The following SPTLC3 variants were observed in gnomAD, a reference collection of about 807,000 sequenced individuals.
SPTLC3 encodes serine palmitoyltransferase long chain base subunit 3.
Under a neutral mutation model 59.3 loss-of-function variants are expected in SPTLC3, and 36 were observed. The observed-to-expected ratio is 0.61, with a 90% confidence interval of 0.47 to 0.80. SPTLC3 has a LOEUF of 0.80. Ranked by LOEUF, SPTLC3 falls within the 30% of genes least tolerant of loss-of-function variation. The probability of loss-of-function intolerance (pLI) is 0.00; values close to 1 mark genes in which losing one functional copy is unlikely to be tolerated. For missense variants in SPTLC3, 625 were observed against 685.1 expected, an observed-to-expected ratio of 0.91 and a Z score of 0.98; for synonymous variants, 257 against 240.8, an observed-to-expected ratio of 1.07 and a Z score of -0.62.
chr20:13,161,722 C>G (rs2038899365), intron 11 of SPTLC3, among the ~76,000 whole-genome samples: 1 of 151,892 alleles, frequency 6.6e-6, no homozygotes, highest in Non-Finnish European at 1.5e-5. Context: ...ACTTGATGTT[C>G]CATAGAGTAG....
At chr20:13,067,842 T>C (rs934287027) in intron 2 of SPTLC3, among the ~76,000 whole-genome samples, 2 of 152,202 alleles carry the variant, frequency 1.3e-5, no homozygotes, top group African/African-American at 4.8e-5. Context: ...AATACAGTAT[T>C]CGGTGAGAAC....
intron 7 of SPTLC3, among the ~76,000 whole-genome samples, chr20:13,115,671 A>G (rs1990498240): frequency 6.6e-6 from 1 of 152,154 alleles, no homozygotes; most frequent in Non-Finnish European, 1.5e-5. Flanking sequence ...ATAAGATTCA[A>G]CACAGAACAT....
chr20:13,158,338 G>A (rs2038820736), intron 10 of SPTLC3, among the ~76,000 whole-genome samples: 1 of 152,254 alleles, frequency 6.6e-6, no homozygotes, highest in African/African-American at 2.4e-5. Flanking sequence ...AGTAGTGTAA[G>A]GTTTAAATTC....
intron 4 of SPTLC3, among the ~76,000 whole-genome samples, chr20:13,090,503 A>AAGAT (rs1989174318): frequency 6.6e-6 from 1 of 152,234 alleles, no homozygotes; most frequent in Non-Finnish European, 1.5e-5. Context: ...TGAGATGTAG[A>AAGAT]GTAAAAAGAG....
chr20:13,085,521 G>T (rs1424316971), intron 4 of SPTLC3, among the ~76,000 whole-genome samples: 2 of 152,130 alleles, frequency 1.3e-5, no homozygotes, highest in Non-Finnish European at 2.9e-5. Flanking sequence ...TCTTAGGCCA[G>T]GTCTAAGGAA....
chr20:13,073,661 AT>A (rs1294663848), intron 3 of SPTLC3: 600 of 318,466 alleles, frequency 1.9e-3, no homozygotes, highest in East Asian at 2.7e-3. Flanking sequence ...AATGATTAAC[AT>A]TTTTTTTTAA....
intron 9 of SPTLC3, among the ~76,000 whole-genome samples, chr20:13,135,015 G>A (rs1193169381): frequency 6.6e-6 from 1 of 152,202 alleles, no homozygotes; most frequent in Non-Finnish European, 1.5e-5. Flanking sequence ...CCCTAAGCCT[G>A]TGCTTTCACA....
In SPTLC3 at chr20:13,160,033, A is replaced by G. The variant is rs1291228280; in HGVS notation, c.1446A>G (p.Lys482=). ...TTGCAAGGCATATGCTAGAGAAAAA[A>G]ATTGGAGTGGTGGTCGTGGGATTTC... The part of the protein sequence containing the change: ...AAFARHMLEK[K]IGVVVVGFPA... The change falls in exon 11 of 12, where the codon AAA becomes AAG. Residue 482 remains lysine, a synonymous_variant. Transcript: ENST00000399002. 1 of 1,613,768 alleles carries G rather than the reference A, an allele frequency of 6.2e-7. No individual in the cohort carries two copies. The highest frequency in any genetic ancestry group is 8.5e-7 in the Non-Finnish European group (1 of 1,179,870).
chr20:13,085,126 T>A (rs1988963914), intron 4 of SPTLC3, among the ~76,000 whole-genome samples: 1 of 152,136 alleles, frequency 6.6e-6, no homozygotes, highest in South Asian at 2.1e-4. Context: ...TTTCCAGACT[T>A]CACCATGATG....
intron 4 of SPTLC3, among the ~76,000 whole-genome samples, chr20:13,078,812 G>A (rs1380327849): frequency 2.6e-5 from 4 of 152,110 alleles, no homozygotes; most frequent in Non-Finnish European, 5.9e-5. Flanking sequence ...CAGAGAGAGA[G>A]GGAATTGAGC....
At chr20:13,040,440 C>A (rs1476224310) in intron 1 of SPTLC3, among the ~76,000 whole-genome samples, 2 of 151,940 alleles carry the variant, frequency 1.3e-5, no homozygotes, top group Non-Finnish European at 2.9e-5. Context: ...CTCACTGCAA[C>A]CTCCACCTCC....
chr20:13,121,037 T>G (rs1477171186), intron 8 of SPTLC3, among the ~76,000 whole-genome samples: 1 of 152,234 alleles, frequency 6.6e-6, no homozygotes, highest in Non-Finnish European at 1.5e-5. Context: ...AAGCCTAAGC[T>G]GATGGGACTA....
intron 9 of SPTLC3, among the ~76,000 whole-genome samples, chr20:13,150,085 T>C (rs542164426): frequency 1.2e-3 from 176 of 152,336 alleles, no homozygotes; most frequent in African/African-American, 3.9e-3. Flanking sequence ...GAGATGTATC[T>C]GTGTGCCTTG....
rs369018994 is a variant in SPTLC3, at chr20:13,144,909, G to A, written c.1280-9094G>A. Among the ~76,000 whole-genome samples, 5 of 152,152 alleles carry A rather than the reference G, an allele frequency of 3.3e-5. No individual in the cohort carries two copies. In the East Asian group the frequency reaches 5.8e-4, roughly 18 times the overall value. ...CCTGCCTCAGCCTCCCAAGTAGCTG[G>A]GACTACAGGCACCCGCCACCACGCC... On this transcript the variant is annotated intron_variant, in intron 9 of 11. Transcript: ENST00000399002.
intron 4 of SPTLC3, among the ~76,000 whole-genome samples, chr20:13,082,437 A>C (rs1988870754): frequency 6.6e-6 from 1 of 151,476 alleles, no homozygotes; most frequent in Admixed American, 6.6e-5. Context: ...GTTTTTGTAC[A>C]GTTTTAAATA....
intron 1 of SPTLC3, among the ~76,000 whole-genome samples, chr20:13,036,586 GC>G (rs1221513770): frequency 4.6e-5 from 7 of 152,064 alleles, no homozygotes; most frequent in Non-Finnish European, 1.0e-4. Context: ...TCAACAGTAG[GC>G]TATTAGCAGT....
intron 3 of SPTLC3, among the ~76,000 whole-genome samples, chr20:13,072,644 T>C (rs532335771): frequency 1.3e-5 from 2 of 152,132 alleles, no homozygotes; most frequent in Admixed American, 1.3e-4. Context: ...GGTCAGAAGG[T>C]GCAGGACACA....
chr20:13,144,460 A>G (rs1179089179), intron 9 of SPTLC3, among the ~76,000 whole-genome samples: 1 of 152,186 alleles, frequency 6.6e-6, no homozygotes, highest in African/African-American at 2.4e-5. Context: ...AGATCAGTAA[A>G]TTGAGGCTCA....
At chr20:13,097,392 T>C (rs1192835634) in intron 6 of SPTLC3, among the ~76,000 whole-genome samples, 1 of 152,144 alleles carries the variant, frequency 6.6e-6, no homozygotes, top group African/African-American at 2.4e-5. Context: ...TAAACTGGTT[T>C]TTCTCAAAAC....
Sources: gnomAD v4.1 joint callset for allele counts (sites outside exome capture counted in the v4.1 genomes callset) on GRCh38, gnomAD v4.1.1 for gene constraint, MANE v1.5 for transcripts, NCBI Gene and HGNC (gene_info 2026-07-23, HGNC 2026-07-21) for gene names.